Variants in MYLK observed in about 807,000 individuals in gnomAD.
MYLK encodes myosin light chain kinase, smooth muscle.
MYLK carries 106 observed loss-of-function variants against 203.4 expected under a neutral mutation model. That is an observed-to-expected ratio of 0.52 (90% CI 0.45 to 0.61). The LOEUF (loss-of-function observed/expected upper bound fraction) is 0.61, where lower values mean the gene tolerates loss of function less well. MYLK is among the 20% of genes least tolerant of loss of function. The pLI is 0.00. For missense variants in MYLK, 2,072 were observed against 2,442.3 expected (o/e 0.85, Z 3.20); for synonymous variants, 867 against 959.5 (o/e 0.90, Z 1.78).
In MYLK at chr3:123,629,809, G is replaced by C. The variant is rs1357286779; in HGVS notation, c.4962-183C>G. 7 of 629,874 alleles carry C rather than the reference G, an allele frequency of 1.1e-5. No homozygotes were observed. The African/African-American group carries it at 1.3e-4, about 12-fold the overall frequency. The allele number at this position is 629,874 out of a possible 1,614,324, so 39.0% of individuals were successfully genotyped here. ...AAAAGAGGGTGTGGTTCACAGCCCT[G>C]TCTTTTCTTGGTCACCTGCCTCTTG... is the stretch of plus-strand genomic sequence containing the variant. On this transcript the variant is annotated intron_variant, in intron 29 of 33. Transcript: ENST00000360304. This position sits in a 1 kb window ranked among gnomAD's most constrained non-coding sequence, Gnocchi z 4.4.
rs1219810286 is a variant in MYLK, at chr3:123,700,159, C to T, written c.3309G>A (p.Lys1103=). The change falls in exon 18 of 34, where the codon AAG becomes AAA. Residue 1103 remains lysine, a synonymous_variant. Coordinates refer to ENST00000360304, the MANE Select transcript of MYLK (RefSeq NM_053025.4). ...CCTCTGCCACATGAACATCTTGCAG[C>T]TTCTGCTTGAAGGCTGGGGCTGTCC... The part of the protein sequence containing the change: ...SQGTAPAFKQ[K]LQDVHVAEGK... 1.9e-6 allele frequency: 3 copies of T among 1,613,844 alleles called. No homozygotes were observed. Among genetic ancestry groups the T allele is most frequent in the African/African-American group, 2.7e-5 (2 of 74,828 alleles).
At chr3:123,832,122 G>T (rs1402936148) in intron 2 of MYLK, among the ~76,000 whole-genome samples, 1 of 152,174 alleles carries the variant, frequency 6.6e-6, no homozygotes, top group African/African-American at 2.4e-5. Context: ...GGCTGACAGG[G>T]CAGGAAAAGA....
intron 2 of MYLK, among the ~76,000 whole-genome samples, chr3:123,848,781 C>T (rs7643862): frequency 0.097 from 14,747 of 152,068 alleles, 1,724 homozygotes; most frequent in East Asian, 0.45. Context: ...GTTTAGATGA[C>T]TGGATGTTAA....
At chr3:123,809,457 C>T (rs2065479482) in intron 3 of MYLK, among the ~76,000 whole-genome samples, 1 of 152,116 alleles carries the variant, frequency 6.6e-6, no homozygotes, top group South Asian at 2.1e-4. Flanking sequence ...ACCCAGGAGG[C>T]GGAAGTTGTG....
chr3:123,790,050 C>G (rs2064713545), intron 4 of MYLK, among the ~76,000 whole-genome samples: 1 of 152,158 alleles, frequency 6.6e-6, no homozygotes, highest in South Asian at 2.1e-4. Context: ...AGGCTTTGAG[C>G]TTTAGGATTT....
intron 11 of MYLK, among the ~76,000 whole-genome samples, chr3:123,730,356 C>T (rs2108775453): frequency 6.6e-6 from 1 of 152,292 alleles, no homozygotes; most frequent in South Asian, 2.1e-4. Flanking sequence ...GTTAGTTCCT[C>T]AGAGGGTTAA....
chr3:123,753,074 G>T (rs1251009618), intron 4 of MYLK, among the ~76,000 whole-genome samples: 1 of 152,106 alleles, frequency 6.6e-6, no homozygotes, highest in African/African-American at 2.4e-5. Flanking sequence ...GCAAGGTTCA[G>T]GACCTGCACT....
At chr3:123,692,887 G>C in intron 18 of MYLK, 36 bp from the exon 19 acceptor site, 3 of 1,565,938 alleles carry the variant, frequency 1.9e-6, no homozygotes, top group Non-Finnish European at 2.6e-6. Flanking sequence ...ACCAGGTGTG[G>C]TCGTAGTACC....
intron 2 of MYLK, among the ~76,000 whole-genome samples, chr3:123,850,402 C>T (rs1451622879): frequency 1.3e-5 from 2 of 152,184 alleles, no homozygotes; most frequent in Non-Finnish European, 2.9e-5. Context: ...CTCTCTAGCA[C>T]CTGTTGTTTC....
rs1226517649 is a variant in MYLK, at chr3:123,626,819, T to G, written c.5237A>C (p.Gln1746Pro). 1 of 1,614,094 alleles carries G rather than the reference T, an allele frequency of 6.2e-7. No homozygotes were observed. Among genetic ancestry groups the G allele is most frequent in the Non-Finnish European group, 8.5e-7 (1 of 1,180,030 alleles). Residue 1746 changes from glutamine (Q) to proline (P), a missense_variant and splice_region_variant, in exon 31 of 34, where the codon CAG (glutamine) becomes CCG (proline). By Grantham distance (76) the Gln-to-Pro change is moderately conservative. Coordinates refer to ENST00000360304, the MANE Select transcript of MYLK (RefSeq NM_053025.4). ...MKKYMARRKWQKTGNAVRAIG... is the reference protein window; with the variant it reads ...MKKYMARRKWPKTGNAVRAIG... ...AGTCCAAAGTGACCCTCTCATTACCTGCCATTTCCTTCTTGCCATGTACTT... is the reference window on the plus strand; with the variant it reads ...AGTCCAAAGTGACCCTCTCATTACCGGCCATTTCCTTCTTGCCATGTACTT...
At chr3:123,713,391 C>T (rs2061773494) in intron 13 of MYLK, among the ~76,000 whole-genome samples, 1 of 152,122 alleles carries the variant, frequency 6.6e-6, no homozygotes, top group Non-Finnish European at 1.5e-5. Context: ...AGCTCATGCC[C>T]AGGCCTTCTG....
At chr3:123,761,785 G>C (rs2063542709) in intron 4 of MYLK, among the ~76,000 whole-genome samples, 2 of 152,104 alleles carry the variant, frequency 1.3e-5, no homozygotes, top group African/African-American at 4.8e-5. Flanking sequence ...CAGCATTTTG[G>C]GAGGCCGAGG....
chr3:123,699,952 A>G (rs1405774163), intron 18 of MYLK, 68 bp downstream of exon 18: 13 of 1,608,382 alleles, frequency 8.1e-6, no homozygotes, highest in African/African-American at 2.7e-5. Context: ...AGCGAGACCA[A>G]CGCTCCATGA....
intron 2 of MYLK, among the ~76,000 whole-genome samples, chr3:123,861,238 A>T (rs1292860496): frequency 2.0e-5 from 3 of 152,220 alleles, no homozygotes; most frequent in Non-Finnish European, 4.4e-5. Context: ...CTATATTTGA[A>T]AAAGAAACTA....
chr3:123,879,626 T>TTTG (rs1181514494), intron 1 of MYLK, among the ~76,000 whole-genome samples: 1 of 152,148 alleles, frequency 6.6e-6, no homozygotes, highest in Non-Finnish European at 1.5e-5. Context: ...ACCTTTGTTT[T>TTTG]TTGTTGTTGT....
chr3:123,665,558 G>A (rs1234247760), intron 22 of MYLK, among the ~76,000 whole-genome samples: 1 of 152,174 alleles, frequency 6.6e-6, no homozygotes, highest in Admixed American at 6.5e-5. Flanking sequence ...TCCCACTCCT[G>A]TGCCAACCCA....
intron 3 of MYLK, among the ~76,000 whole-genome samples, chr3:123,811,059 C>A (rs2065542070): frequency 6.6e-6 from 1 of 152,184 alleles, no homozygotes; most frequent in Non-Finnish European, 1.5e-5. Context: ...GAAATGGTGA[C>A]CTCTGAGAAC....
At chr3:123,752,592 G>C in intron 4 of MYLK, 54 bp from the exon 5 acceptor site, 1 of 1,523,952 alleles carries the variant, frequency 6.6e-7, no homozygotes, top group South Asian at 1.2e-5. Flanking sequence ...TACTCTCTCT[G>C]TGTCAGGTAT....
intron 16 of MYLK, among the ~76,000 whole-genome samples, chr3:123,707,202 A>C (rs574724912): frequency 4.6e-5 from 7 of 152,280 alleles, no homozygotes; most frequent in African/African-American, 1.7e-4. Context: ...TCCCACCTAC[A>C]ACCAGTGAGG....
Sources: gnomAD v4.1 joint callset for allele counts (sites outside exome capture counted in the v4.1 genomes callset) on GRCh38, gnomAD v4.1.1 for gene constraint, Gnocchi (gnomAD v3.1) non-coding constraint, MANE v1.5 for transcripts, NCBI Gene and HGNC (gene_info 2026-07-23, HGNC 2026-07-21) for gene names.